Variants in HEMK2 observed in about 807,000 individuals in gnomAD.
HEMK2 encodes the protein HemK methyltransferase 2, ETF1 glutamine and histone H4 lysine.
chr21:28,781,905 G>C, the HEMK2 span, among the ~76,000 whole-genome samples: 4 of 152,204 alleles, frequency 2.6e-5, no homozygotes, highest in African/African-American at 9.7e-5. Context: ...ACTGTTATCA[G>C]GGAGGATATT....
chr21:28,663,498 T>G, the HEMK2 span, among the ~76,000 whole-genome samples: 3 of 152,252 alleles, frequency 2.0e-5, no homozygotes, highest in African/African-American at 7.2e-5. Context: ...TTGGGACTTC[T>G]GCAGTGCAGC....
At chr21:28,810,964 T>G in the HEMK2 span, among the ~76,000 whole-genome samples, 2 of 152,324 alleles carry the variant, frequency 1.3e-5, no homozygotes, top group South Asian at 2.1e-4. Flanking sequence ...GAAGGAATCA[T>G]GTGGCGAGAC....
At chr21:28,884,210 T>G in the HEMK2 span, among the ~76,000 whole-genome samples, 1 of 152,236 alleles carries the variant, frequency 6.6e-6, no homozygotes, top group Non-Finnish European at 1.5e-5. Context: ...CAGTGCAATT[T>G]GTGCTTGTAA....
chr21:28,604,790 T>C, the HEMK2 span, among the ~76,000 whole-genome samples: 1 of 152,224 alleles, frequency 6.6e-6, no homozygotes, highest in Non-Finnish European at 1.5e-5. Context: ...CCATTTGCTT[T>C]TTAGCTTGGC....
chr21:28,620,660 CTTTTTTTTTTTTTTTTTTTT>C, the HEMK2 span, among the ~76,000 whole-genome samples: 1 of 49,642 alleles, frequency 2.0e-5, no homozygotes, highest in Admixed American at 3.4e-4. Context: ...TCTCTCTTTT[CTTTTTTTTTTTTTTTTTTTT>C]TTTTTTTTTT....
At chr21:28,867,228 G>A in the HEMK2 span, among the ~76,000 whole-genome samples, 1 of 152,032 alleles carries the variant, frequency 6.6e-6, no homozygotes, top group African/African-American at 2.4e-5. Context: ...AGTGAAAACT[G>A]GAAACAACCT....
the HEMK2 span, among the ~76,000 whole-genome samples, chr21:28,733,440 T>A: frequency 6.6e-6 from 1 of 152,112 alleles, no homozygotes; most frequent in Admixed American, 6.5e-5. Flanking sequence ...CAGCTGAAAA[T>A]CCCATCATGT....
the HEMK2 span, among the ~76,000 whole-genome samples, chr21:28,770,722 C>G: frequency 2.8e-4 from 42 of 152,222 alleles, no homozygotes; most frequent in Non-Finnish European, 3.5e-4. Flanking sequence ...TGAGATCACA[C>G]AGCAAGAAGG....
chr21:28,879,592 A>G, the HEMK2 span, among the ~76,000 whole-genome samples: 1 of 152,208 alleles, frequency 6.6e-6, no homozygotes, highest in Non-Finnish European at 1.5e-5. Flanking sequence ...GGATACATGT[A>G]ATATATATGT....
At chr21:28,868,543 T>C in the HEMK2 span, among the ~76,000 whole-genome samples, 1 of 152,006 alleles carries the variant, frequency 6.6e-6, no homozygotes, top group Non-Finnish European at 1.5e-5. Context: ...AATTAGCTGG[T>C]TGTGGTGGTG....
the HEMK2 span, among the ~76,000 whole-genome samples, chr21:28,730,599 C>T: frequency 0.36 from 54,124 of 151,766 alleles, 11,081 homozygotes; most frequent in African/African-American, 0.56. Flanking sequence ...TCCTCACAGG[C>T]TATTGAACTG....
chr21:28,612,301 T>C, the HEMK2 span, among the ~76,000 whole-genome samples: 1 of 151,990 alleles, frequency 6.6e-6, no homozygotes, highest in East Asian at 1.9e-4. Flanking sequence ...ATATGCTATA[T>C]ACCACACAAA....
the HEMK2 span, among the ~76,000 whole-genome samples, chr21:28,674,261 T>C: frequency 6.6e-6 from 1 of 152,196 alleles, no homozygotes; most frequent in African/African-American, 2.4e-5. Flanking sequence ...TTGTTTAGCA[T>C]ATCATCAAGA....
At chr21:28,732,892 G>A in the HEMK2 span, among the ~76,000 whole-genome samples, 4 of 152,050 alleles carry the variant, frequency 2.6e-5, no homozygotes, top group Admixed American at 1.3e-4. Context: ...TTTGCTTGTC[G>A]GTAATACCCG....
At chr21:28,842,531 C>T in the HEMK2 span, among the ~76,000 whole-genome samples, 1 of 152,060 alleles carries the variant, frequency 6.6e-6, no homozygotes, top group Non-Finnish European at 1.5e-5. Flanking sequence ...CCTGATGACT[C>T]GTAGAGGGTA....
the HEMK2 span, among the ~76,000 whole-genome samples, chr21:28,728,467 T>C: frequency 2.0e-5 from 3 of 149,822 alleles, no homozygotes; most frequent in African/African-American, 5.0e-5. Context: ...CAAGTGGTTA[T>C]GTTTGCCCAG....
chr21:28,848,765 C>T, the HEMK2 span, among the ~76,000 whole-genome samples: 2 of 152,106 alleles, frequency 1.3e-5, no homozygotes, highest in Non-Finnish European at 2.9e-5. Context: ...CTAAAAAACC[C>T]ACTGTGTGAA....
At chr21:28,677,938 AGAT>A in the HEMK2 span, among the ~76,000 whole-genome samples, 1 of 152,250 alleles carries the variant, frequency 6.6e-6, no homozygotes, top group Non-Finnish European at 1.5e-5. Flanking sequence ...AAAACCACAA[AGAT>A]GGGGAAAAAA....
At chr21:28,657,056 A>AT in the HEMK2 span, among the ~76,000 whole-genome samples, 1 of 152,034 alleles carries the variant, frequency 6.6e-6, no homozygotes, top group South Asian at 2.1e-4. Flanking sequence ...CTTGCTGATC[A>AT]TTTTTTGTCA....
Sources: gnomAD v4.1 joint callset for allele counts (sites outside exome capture counted in the v4.1 genomes callset) on GRCh38, gnomAD v4.1.1 for gene constraint, MANE v1.5 for transcripts, NCBI Gene and HGNC (gene_info 2026-07-23, HGNC 2026-07-21) for gene names.